Variants in CAMKMT observed in about 807,000 individuals in gnomAD.
The protein encoded by CAMKMT is calmodulin-lysine N-methyltransferase.
Under a neutral mutation model 48.0 loss-of-function variants are expected in CAMKMT, and 53 were observed. The observed-to-expected ratio is 1.10, with a 90% CI of 0.89 to 1.39. The LOEUF (loss-of-function observed/expected upper bound fraction) is 1.39, where lower values mean the gene tolerates loss of function less well. Ranked by LOEUF, CAMKMT falls within the 40% of genes most tolerant of loss-of-function variation. The pLI, the probability that CAMKMT is intolerant of heterozygous loss-of-function variation, is 0.00. For missense variants in CAMKMT, 428 were observed against 402.7 expected, an observed-to-expected ratio of 1.06 and a Z score of -0.54; for synonymous variants, 165 against 152.3, an observed-to-expected ratio of 1.08 and a Z score of -0.61.
intron 3 of CAMKMT, among the ~76,000 whole-genome samples, chr2:44,564,330 A>G (rs925934027): frequency 2.6e-5 from 4 of 151,170 alleles, no homozygotes; most frequent in Non-Finnish European, 4.4e-5. Context: ...GCGCGCCACT[A>G]TGCCCGGCTA....
At chr2:44,553,100 T>G (rs1367838909) in intron 3 of CAMKMT, among the ~76,000 whole-genome samples, 2 of 152,194 alleles carry the variant, frequency 1.3e-5, no homozygotes, top group Non-Finnish European at 2.9e-5. Context: ...TCATGGCACA[T>G]TAAAGTCTTT....
At chr2:44,620,173 G>A (rs1225660589) in intron 3 of CAMKMT, among the ~76,000 whole-genome samples, 2 of 151,932 alleles carry the variant, frequency 1.3e-5, no homozygotes, top group Non-Finnish European at 2.9e-5. Flanking sequence ...GTCATTTATT[G>A]TTATTCAGAA....
chr2:44,638,042 G>A lies in CAMKMT; in HGVS notation c.377-66241G>A, dbSNP rs142486729. ...ATCATGCCAGCCTGGGCGACCGAGC[G>A]AGACTCCATCTCAAACCAAAAAAAA... On this transcript the variant is annotated intron_variant, in intron 3 of 10. Transcript: ENST00000378494. 1.8e-3 allele frequency among the ~76,000 whole-genome samples: 243 copies of A among 138,752 alleles called. 1 individual carries two copies. The highest frequency in any genetic ancestry group is 5.3e-3 in the African/African-American group (200 of 37,688). The allele number at this position is 138,752 out of a possible 152,430, so 91.0% of individuals were successfully genotyped here.
intron 3 of CAMKMT, among the ~76,000 whole-genome samples, chr2:44,547,607 A>G (rs780998063): frequency 3.9e-5 from 6 of 152,204 alleles, no homozygotes; most frequent in Non-Finnish European, 7.3e-5. Flanking sequence ...TCACAGGTGT[A>G]AAAGTTAGCA....
intron 3 of CAMKMT, chr2:44,631,655 T>A: frequency 2.4e-6 from 1 of 419,458 alleles, no homozygotes; most frequent in East Asian, 3.6e-5. Flanking sequence ...TTTGAGCCCA[T>A]CTGACAAGTT....
intron 3 of CAMKMT, among the ~76,000 whole-genome samples, chr2:44,476,448 G>C (rs1668693634): frequency 6.6e-6 from 1 of 152,014 alleles, no homozygotes; most frequent in Admixed American, 6.6e-5. Context: ...TAGCTCCTGA[G>C]TCCTTTTCTT....
At chr2:44,637,896 C>A (rs1673221710) in intron 3 of CAMKMT, among the ~76,000 whole-genome samples, 1 of 151,926 alleles carries the variant, frequency 6.6e-6, no homozygotes, top group African/African-American at 2.4e-5. Context: ...GAAACCCCAT[C>A]TCCACTACAA....
intron 10 of CAMKMT, among the ~76,000 whole-genome samples, chr2:44,770,840 C>T (rs1480719428): frequency 1.3e-5 from 2 of 152,238 alleles, no homozygotes; most frequent in African/African-American, 4.8e-5. Flanking sequence ...AACAAATCAT[C>T]TGTACACAGA....
At chr2:44,747,968 G>T (rs569544571) in intron 8 of CAMKMT, among the ~76,000 whole-genome samples, 1 of 152,202 alleles carries the variant, frequency 6.6e-6, no homozygotes, top group African/African-American at 2.4e-5. Flanking sequence ...AGTTAAAATG[G>T]TATCTCTGTC....
At chr2:44,472,486 G>A (rs1668473344) in intron 3 of CAMKMT, among the ~76,000 whole-genome samples, 1 of 152,118 alleles carries the variant, frequency 6.6e-6, no homozygotes, top group Non-Finnish European at 1.5e-5. Context: ...TCGAACTTTT[G>A]CATCAGCCCC....
intron 3 of CAMKMT, among the ~76,000 whole-genome samples, chr2:44,401,374 TG>T (rs1682363004): frequency 6.6e-6 from 1 of 151,960 alleles, no homozygotes; most frequent in South Asian, 2.1e-4. Flanking sequence ...CTGGCCAACA[TG>T]GTGAAACTCC....
chr2:44,520,278 A>G (rs1671036193), intron 3 of CAMKMT, among the ~76,000 whole-genome samples: 2 of 152,028 alleles, frequency 1.3e-5, no homozygotes, highest in African/African-American at 4.8e-5. Flanking sequence ...TATGTTGCCC[A>G]GACTATGTTG....
At chr2:44,410,247 A>AGACTATATATATATATATATATATTT (rs1683105268) in intron 3 of CAMKMT, among the ~76,000 whole-genome samples, 1 of 19,468 alleles carries the variant, frequency 5.1e-5, no homozygotes, top group African/African-American at 1.7e-4. Context: ...ATATATATAT[A>AGACTATATATATATATATATATATTT]TTTTTTTTTT....
In CAMKMT at chr2:44,693,960, G is replaced by C. The variant is rs541500254; in HGVS notation, c.377-10323G>C. Among the ~76,000 whole-genome samples, 180 of 152,296 alleles carry C rather than the reference G, an allele frequency of 1.2e-3. 1 individual carries two copies. Among genetic ancestry groups the C allele is most frequent in the African/African-American group, 4.2e-3 (174 of 41,570 alleles). On this transcript the variant is annotated intron_variant, in intron 3 of 10. Coordinates refer to ENST00000378494, the MANE Select transcript of CAMKMT (RefSeq NM_024766.5). ...CTTGAGGGAGCTAGAGAAAGGTGCT[G>C]CTTCGATGGACATCAGCTGATCACA...
intron 3 of CAMKMT, among the ~76,000 whole-genome samples, chr2:44,523,257 A>AT (rs1035608200): frequency 6.7e-6 from 1 of 148,190 alleles, no homozygotes; most frequent in Non-Finnish European, 1.5e-5. Context: ...CTGCTACATG[A>AT]TGTCTTGGGC....
chr2:44,635,898 C>A (rs1412878882), intron 3 of CAMKMT, among the ~76,000 whole-genome samples: 1 of 152,174 alleles, frequency 6.6e-6, no homozygotes, highest in East Asian at 1.9e-4. Context: ...TTGTTACTTG[C>A]AAGTCACCAC....
At chr2:44,539,517 C>G (rs1464763863) in intron 3 of CAMKMT, among the ~76,000 whole-genome samples, 4 of 152,088 alleles carry the variant, frequency 2.6e-5, no homozygotes, top group Non-Finnish European at 5.9e-5. Flanking sequence ...AAACTGTGAT[C>G]TAATCCTTAA....
chr2:44,390,517 G>A (rs1463297004), intron 3 of CAMKMT, among the ~76,000 whole-genome samples: 1 of 150,396 alleles, frequency 6.6e-6, no homozygotes, highest in Non-Finnish European at 1.5e-5. Context: ...AACTTCGCAG[G>A]TGTGTGTGTG....
At chr2:44,379,478 G>A (rs1015874746) in intron 2 of CAMKMT, among the ~76,000 whole-genome samples, 6 of 152,102 alleles carry the variant, frequency 3.9e-5, no homozygotes, top group African/African-American at 1.4e-4. Flanking sequence ...ACTTTTTGAG[G>A]AATAGCCAAC....
Sources: allele counts gnomAD v4.1 joint callset (sites outside exome capture counted in the v4.1 genomes callset), GRCh38; gene constraint gnomAD v4.1.1; transcripts MANE v1.5; gene names NCBI Gene and HGNC (gene_info 2026-07-23, HGNC 2026-07-21).